SSPN: variants seen among roughly 807,000 people sequenced by gnomAD.
SSPN encodes K-ras oncogene-associated protein.
In SSPN, 15 loss-of-function variants were observed where a neutral mutation model predicts 19.1. The ratio of observed to expected loss-of-function variants is 0.78; its 90% CI spans 0.52 to 1.21. The LOEUF (loss-of-function observed/expected upper bound fraction) is 1.21. Ranked by LOEUF, SSPN falls within the 50% of genes most tolerant of loss-of-function variation. The pLI is 0.00. For missense variants in SSPN, 291 were observed against 314.0 expected (o/e 0.93, Z 0.55); for synonymous variants, 147 against 140.3 (o/e 1.05, Z -0.34).
chr12:26,140,446 T>A (rs980100868), intron 1 of SSPN, among the ~76,000 whole-genome samples: 6 of 152,200 alleles, frequency 3.9e-5, no homozygotes, highest in Non-Finnish European at 8.8e-5. Context: ...GTCACCCTAG[T>A]CAAAGCCACT....
intron 1 of SSPN, among the ~76,000 whole-genome samples, chr12:26,217,233 T>C (rs1430500313): frequency 7.7e-6 from 1 of 130,438 alleles, no homozygotes; most frequent in East Asian, 2.4e-4. Context: ...CATTTGTTTG[T>C]ATCCTCTTTT....
chr12:26,122,552 G>C (rs1451625335), intron 1 of SSPN: 2 of 1,200,916 alleles, frequency 1.7e-6, no homozygotes, highest in Non-Finnish European at 2.1e-6. Context: ...AGCTGAGCAG[G>C]GCGGCGTCGG....
At chr12:26,174,773 G>A (rs995486585) in intron 1 of SSPN, among the ~76,000 whole-genome samples, 5 of 151,968 alleles carry the variant, frequency 3.3e-5, no homozygotes, top group African/African-American at 4.8e-5. Context: ...CACCCACCTC[G>A]ACCTCCCAAA....
intron 1 of SSPN, among the ~76,000 whole-genome samples, chr12:26,152,971 G>T (rs975509639): frequency 6.6e-6 from 1 of 152,140 alleles, no homozygotes; most frequent in Non-Finnish European, 1.5e-5. Flanking sequence ...CCTCTGGGCC[G>T]TAGCACTTGT....
At chr12:26,190,814 A>G (rs1256925977), upstream of SSPN, among the ~76,000 whole-genome samples, 1 of 152,212 alleles carries the variant, frequency 6.6e-6, no homozygotes, top group Non-Finnish European at 1.5e-5. Flanking sequence ...ACAGATCATA[A>G]GTGTTGTTCA....
chr12:26,172,841 C>G (rs1484925155), intron 1 of SSPN, among the ~76,000 whole-genome samples: 1 of 151,162 alleles, frequency 6.6e-6, no homozygotes, highest in African/African-American at 2.4e-5. Flanking sequence ...AATCCACTTT[C>G]TTTACAGATC....
chr12:26,189,275 T>C (rs1242509323), intron 1 of SSPN, among the ~76,000 whole-genome samples: 5 of 152,224 alleles, frequency 3.3e-5, no homozygotes, highest in East Asian at 1.9e-4. Flanking sequence ...TTTCAAGATA[T>C]AGCAGTAAAA....
rs1945238795 is a variant in SSPN at position 26,232,012 on chromosome 12, A to G, written c.*936A>G. On this transcript the variant is annotated 3_prime_UTR_variant, in exon 3 of 3. Transcript: ENST00000242729. ...TGAAAGCCAAGCACCACAAGGAAAA[A>G]AAAAATTATTAATAGCTCAGGTTAA... 28 of 985,372 alleles carry G rather than the reference A, an allele frequency of 2.8e-5. No homozygotes were observed. Among genetic ancestry groups the G allele is most frequent in the Non-Finnish European group, 3.4e-5 (28 of 829,888 alleles). 61.0% of individuals were successfully genotyped at this position (985,372 alleles called of 1,614,324 possible).
In SSPN at chr12:26,233,515, G is replaced by A. The variant is rs983417851; in HGVS notation, c.*2439G>A. 4 of 152,060 alleles carry A rather than the reference G, an allele frequency of 2.6e-5. No individual in the cohort carries two copies. The highest frequency in any genetic ancestry group is 6.5e-5 in the Admixed American group (1 of 15,276). The allele number at this position is 152,060 out of a possible 1,614,324, so 9.4% of individuals were successfully genotyped here. ...GAAAAGATCCCTTTGCTATGAGCTC[G>A]CTGTATATTGATAAGTGTAAGAATT... On this transcript the variant is annotated 3_prime_UTR_variant, in exon 3 of 3. Coordinates refer to ENST00000242729, the MANE Select transcript of SSPN (RefSeq NM_005086.5). This position sits in a 1 kb window ranked among gnomAD's most constrained non-coding sequence, Gnocchi z 4.3.
At chr12:26,125,978 C>T (rs1390832092) in intron 1 of SSPN, 1 of 151,890 alleles carries the variant, frequency 6.6e-6, no homozygotes, top group Non-Finnish European at 1.5e-5. Flanking sequence ...GTGTGCAGAG[C>T]CCACGTTTAC....
chr12:26,176,119 G>C (rs1944682397), intron 1 of SSPN, among the ~76,000 whole-genome samples: 1 of 152,228 alleles, frequency 6.6e-6, no homozygotes, highest in African/African-American at 2.4e-5. Flanking sequence ...TTACAGGCGT[G>C]AGCCTCAGTG....
At chr12:26,184,002 T>C (rs1383233978) in intron 1 of SSPN, among the ~76,000 whole-genome samples, 3 of 152,180 alleles carry the variant, frequency 2.0e-5, no homozygotes, top group Non-Finnish European at 2.9e-5. Context: ...CCAGCTGCCT[T>C]TGGTTCTGCG....
At chr12:26,142,681 T>C (rs971186200) in intron 1 of SSPN, among the ~76,000 whole-genome samples, 2 of 152,156 alleles carry the variant, frequency 1.3e-5, no homozygotes, top group Admixed American at 1.3e-4. Context: ...ATATGTGATA[T>C]GAGTGGTTGA....
chr12:26,207,890 C>T (rs1204195729), intron 1 of SSPN, among the ~76,000 whole-genome samples: 1 of 151,850 alleles, frequency 6.6e-6, no homozygotes, highest in Non-Finnish European at 1.5e-5. Flanking sequence ...GTTCCAGCTA[C>T]TCAGGAGGCT....
chr12:26,218,347 GGGAGGGGGGAGGGA>G (rs1945081316), intron 1 of SSPN, among the ~76,000 whole-genome samples: 2 of 13,334 alleles, frequency 1.5e-4, no homozygotes, highest in African/African-American at 3.5e-4. Context: ...GGGGGGAGGG[GGGAGGGGGGAGGGA>G]TAGCATCGGG....
At chr12:26,123,879 C>T in intron 1 of SSPN, 1 of 775,418 alleles carries the variant, frequency 1.3e-6, no homozygotes, top group Non-Finnish European at 2.3e-6. Flanking sequence ...GAGCTTTCCA[C>T]AAGACAGGTT....
chr12:26,212,615 T>C lies in SSPN; in HGVS notation c.280-11678T>C, dbSNP rs114145335. 5.5e-3 allele frequency among the ~76,000 whole-genome samples: 832 copies of C among 152,006 alleles called. 10 individuals are homozygous for C. The highest frequency in any genetic ancestry group is 0.019 in the African/African-American group (790 of 41,458). ...TCTTCCATAAATAGGATTTCTACAC[T>C]AGAGCTTTTCATCGGCAACTTTTAC... On this transcript the variant is annotated intron_variant, in intron 1 of 2. Transcript: ENST00000242729.
chr12:26,144,421 T>C (rs1944478046), intron 1 of SSPN, among the ~76,000 whole-genome samples: 1 of 152,178 alleles, frequency 6.6e-6, no homozygotes, highest in Admixed American at 6.5e-5. Flanking sequence ...ATGTCTTATG[T>C]TACTGTAGCC....
chr12:26,164,590 T>G (rs1944609662), intron 1 of SSPN, among the ~76,000 whole-genome samples: 1 of 152,228 alleles, frequency 6.6e-6, no homozygotes, highest in African/African-American at 2.4e-5. Context: ...ATCCTAAATT[T>G]ATATTGGCTT....
Sources: allele counts gnomAD v4.1 joint callset (sites outside exome capture counted in the v4.1 genomes callset), GRCh38; gene constraint gnomAD v4.1.1; non-coding constraint Gnocchi (gnomAD v3.1); transcripts MANE v1.5; gene names NCBI Gene and HGNC (gene_info 2026-07-23, HGNC 2026-07-21).